Variants in GRAMD1A observed in about 807,000 individuals in gnomAD.
GRAMD1A encodes protein Aster-A.
GRAMD1A carries 50 observed loss-of-function variants against 92.0 expected under a neutral mutation model. The ratio of observed to expected loss-of-function variants is 0.54; its 90% confidence interval spans 0.43 to 0.69. GRAMD1A has a LOEUF of 0.69. Among genes scored for constraint, GRAMD1A ranks in the 30% least tolerant of loss-of-function variants. GRAMD1A has a pLI of 0.00. For synonymous variants in GRAMD1A, 405 were observed against 403.6 expected, an observed-to-expected ratio of 1.00 and a Z score of -0.04; for missense variants, 819 against 978.9, an observed-to-expected ratio of 0.84 and a Z score of 2.18.
intron 1 of GRAMD1A, among the ~76,000 whole-genome samples, chr19:35,006,749 G>A (rs2014848271): frequency 6.6e-6 from 1 of 152,204 alleles, no homozygotes; most frequent in South Asian, 2.1e-4. Flanking sequence ...TTGGGCTCTA[G>A]GGACCCGGTG....
chr19:35,007,427 G>A (rs931039533), intron 1 of GRAMD1A, among the ~76,000 whole-genome samples: 15 of 152,166 alleles, frequency 9.9e-5, no homozygotes, highest in Admixed American at 1.3e-4. Flanking sequence ...GCATGATGGC[G>A]GGTGCCTATG....
Position 35,019,358 on chromosome 19 carries a change from G to A in GRAMD1A, c.1333-33G>A, listed in dbSNP as rs779031356. 3.1e-6 allele frequency: 5 copies of A among 1,613,396 alleles called. No homozygotes were observed. The Admixed American group carries it at 8.3e-5, about 27-fold the overall frequency. On this transcript the variant is annotated intron_variant, in intron 12 of 19. Transcript: ENST00000317991. The stretch of plus-strand genomic sequence containing the variant: ...TGGGTGGGGCAGCTGGGTGAGTGGG[G>A]TGGCCCTGACTTCTCCGGCTCTGTC...
At chr19:35,012,095 G>A (rs2015284894) in intron 7 of GRAMD1A, among the ~76,000 whole-genome samples, 2 of 152,240 alleles carry the variant, frequency 1.3e-5, no homozygotes, top group Non-Finnish European at 2.9e-5. Flanking sequence ...AACCCCATCT[G>A]TCAAATGGGG....
upstream of GRAMD1A, among the ~76,000 whole-genome samples, chr19:34,996,527 C>T (rs944086410): frequency 1.3e-5 from 2 of 152,202 alleles, no homozygotes; most frequent in Admixed American, 1.3e-4. Context: ...GGAGGGGAAG[C>T]CGGGCGTGGT....
upstream of GRAMD1A, among the ~76,000 whole-genome samples, chr19:34,996,447 TAA>T (rs1335281465): frequency 6.6e-6 from 1 of 151,844 alleles, no homozygotes; most frequent in Non-Finnish European, 1.5e-5. Context: ...AAACAAAAGG[TAA>T]AAACTGAGGG....
At chr19:35,003,761 C>G (rs1398512050) in intron 1 of GRAMD1A, among the ~76,000 whole-genome samples, 2 of 152,264 alleles carry the variant, frequency 1.3e-5, no homozygotes, top group African/African-American at 4.8e-5. Context: ...TGCACCTCCG[C>G]TACTCCCTCA....
At chr19:35,008,766 G>A (rs1270051342) in intron 1 of GRAMD1A, among the ~76,000 whole-genome samples, 2 of 152,136 alleles carry the variant, frequency 1.3e-5, no homozygotes, top group Non-Finnish European at 2.9e-5. Context: ...GCAGTGAGCC[G>A]AGATCATGCC....
intron 1 of GRAMD1A, among the ~76,000 whole-genome samples, chr19:35,002,139 C>G (rs1417428933): frequency 1.3e-5 from 2 of 152,144 alleles, no homozygotes; most frequent in African/African-American, 4.8e-5. Context: ...TTGTGGCTCT[C>G]TGTAGGCTTG....
Position 35,013,443 on chromosome 19 carries a change from C to T in GRAMD1A, c.719+75C>T. The T allele has an allele frequency of 6.6e-7, 1 of 1,519,448 alleles. No individual in the cohort carries two copies. The highest frequency in any genetic ancestry group is 9.1e-7 in the Non-Finnish European group (1 of 1,099,638). The allele number at this position is 1,519,448 out of a possible 1,614,324, so 94.1% of individuals were successfully genotyped here. A position where few individuals can be genotyped will look rare whatever the true frequency, so the allele number is the denominator to read the frequency against. ...GTCGGCGTGCAGAGTTCCTGGAGTG[C>T]TGGGGGGCCTGAGATGGTTGTATGA... On this transcript the variant is annotated intron_variant, in intron 8 of 19. Transcript: ENST00000317991. This position sits in a 1 kb window ranked among gnomAD's most constrained non-coding sequence, Gnocchi z 4.9.
intron 1 of GRAMD1A, among the ~76,000 whole-genome samples, chr19:35,006,634 C>T (rs1003824444): frequency 1.3e-5 from 2 of 152,226 alleles, no homozygotes; most frequent in Admixed American, 6.5e-5. Flanking sequence ...TCCCCAAGGG[C>T]AGGGGCCATG....
upstream of GRAMD1A, among the ~76,000 whole-genome samples, chr19:34,998,023 G>A (rs2014111427): frequency 9.5e-5 from 14 of 147,202 alleles, no homozygotes; most frequent in Admixed American, 9.6e-4. Flanking sequence ...AGCCAAGATC[G>A]AGCCACTGCA....
At chr19:35,020,833 A>C (rs1205144133) in intron 13 of GRAMD1A, among the ~76,000 whole-genome samples, 1 of 152,094 alleles carries the variant, frequency 6.6e-6, no homozygotes, top group Non-Finnish European at 1.5e-5. Flanking sequence ...CAGACTGCAA[A>C]GACAGGTACA....
chr19:35,005,087 G>A (rs2014697977), intron 1 of GRAMD1A, among the ~76,000 whole-genome samples: 1 of 151,962 alleles, frequency 6.6e-6, no homozygotes, highest in African/African-American at 2.4e-5. Context: ...AGTTCTATGG[G>A]GGGCGGGGAA....
chr19:35,025,733 C>T (rs563087063), intron 19 of GRAMD1A, among the ~76,000 whole-genome samples: 36 of 152,052 alleles, frequency 2.4e-4, no homozygotes, highest in Non-Finnish European at 4.7e-4. Flanking sequence ...GTTATAGACC[C>T]GTATTTCAAA....
intron 19 of GRAMD1A, among the ~76,000 whole-genome samples, chr19:35,024,674 C>T (rs2016313798): frequency 6.6e-6 from 1 of 151,692 alleles, no homozygotes; most frequent in African/African-American, 2.4e-5. Context: ...CCCCCGAAAT[C>T]AAGCTTGGGA....
Position 35,013,671 on chromosome 19 carries a change from A to G in GRAMD1A, c.850A>G (p.Ser284Gly). Reference sequence around the variant, plus strand: ...TGTCACGCCCAACCTTTCCCGAGCCAGCAGCGACGCAGACCATGGGGTGAG... The same window carrying G: ...TGTCACGCCCAACCTTTCCCGAGCCGGCAGCGACGCAGACCATGGGGTGAG... The part of the protein sequence containing the change: ...GHVTPNLSRA[S>G]SDADHGAEED... Residue 284 changes from serine (S) to glycine (G), a missense_variant, in exon 9 of 20, where the codon AGC becomes GGC. Ser to Gly is a moderately conservative substitution (Grantham distance 56). Coordinates refer to ENST00000317991, the MANE Select transcript of GRAMD1A (RefSeq NM_020895.5). The surrounding 1 kb of genome is among the most constrained non-coding windows in gnomAD (Gnocchi z 4.9). 1 of 1,611,892 alleles carries G rather than the reference A, an allele frequency of 6.2e-7. No individual in the cohort carries two copies. The highest frequency in any genetic ancestry group is 1.1e-5 in the South Asian group (1 of 90,864).
intron 7 of GRAMD1A, among the ~76,000 whole-genome samples, chr19:35,012,379 A>C (rs1008077753): frequency 3.3e-5 from 5 of 152,244 alleles, no homozygotes; most frequent in Non-Finnish European, 5.9e-5. Flanking sequence ...GAGTTAGTAC[A>C]TCTGTAAAGT....
chr19:35,009,261 A>C lies in GRAMD1A; in HGVS notation c.151A>C (p.Lys51Gln). The C allele has an allele frequency of 6.2e-7, 1 of 1,614,114 alleles. No homozygotes were observed. Among genetic ancestry groups the C allele is most frequent in the Admixed American group, 1.7e-5 (1 of 60,026 alleles). The part of the protein sequence containing the change: ...VEKGSDSSSE[K>Q]GGVPGTPSTQ... ...GAAGGGATCAGATAGCTCCTCAGAG[A>C]AGGGTGGGGTGCCTGGGACCCCCAG... Residue 51 changes from lysine to glutamine, a missense_variant, in exon 2 of 20, where the codon AAG becomes CAG. By Grantham distance (53) the Lys-to-Gln change is moderately conservative (BLOSUM62 1). Transcript: ENST00000317991.
chr19:35,005,838 C>T (rs1239359161), intron 1 of GRAMD1A: 2 of 455,964 alleles, frequency 4.4e-6, no homozygotes, highest in Admixed American at 2.4e-5. Flanking sequence ...TGGGGTCACG[C>T]ATGAGCCAAA....
Sources: gnomAD v4.1 joint callset for allele counts (sites outside exome capture counted in the v4.1 genomes callset) on GRCh38, gnomAD v4.1.1 for gene constraint, Gnocchi (gnomAD v3.1) non-coding constraint, MANE v1.5 for transcripts, NCBI Gene and HGNC (gene_info 2026-07-23, HGNC 2026-07-21) for gene names.